The following CACNA2D1 variants were observed in gnomAD, a reference collection of about 807,000 sequenced individuals.
CACNA2D1 encodes voltage-dependent calcium channel subunit alpha-2/delta-1.
In CACNA2D1, 53 loss-of-function variants were observed where a neutral mutation model predicts 171.5. The ratio of observed to expected loss-of-function variants is 0.31; its 90% confidence interval spans 0.25 to 0.39. The LOEUF is 0.39. CACNA2D1 is among the 10% of genes least tolerant of loss of function. The pLI is 1.00. For synonymous variants in CACNA2D1, 442 were observed against 443.1 expected (o/e 1.00, Z 0.03); for missense variants, 903 against 1,299.8 (o/e 0.69, Z 4.69).
At chr7:82,346,891 A>G (rs1819324375) in intron 2 of CACNA2D1, among the ~76,000 whole-genome samples, 1 of 152,228 alleles carries the variant, frequency 6.6e-6, no homozygotes, top group Non-Finnish European at 1.5e-5. Flanking sequence ...GTTCTAAAGC[A>G]TACAAGAAGG....
chr7:82,011,323 GT>G (rs1286382805), intron 15 of CACNA2D1, among the ~76,000 whole-genome samples: 4 of 152,090 alleles, frequency 2.6e-5, no homozygotes, highest in African/African-American at 9.7e-5. Flanking sequence ...AAGTGTACAA[GT>G]TTATGTTGGG....
At chr7:82,140,565 T>G (rs956774519) in intron 4 of CACNA2D1, among the ~76,000 whole-genome samples, 1 of 152,160 alleles carries the variant, frequency 6.6e-6, no homozygotes, top group Non-Finnish European at 1.5e-5. Context: ...CTATGGAATA[T>G]GACCTTAAAA....
At chr7:82,176,885 G>T (rs986061775) in intron 3 of CACNA2D1, among the ~76,000 whole-genome samples, 9 of 151,868 alleles carry the variant, frequency 5.9e-5, no homozygotes, top group African/African-American at 1.9e-4. Flanking sequence ...GTGTTTTACA[G>T]ATGCTTTCTC....
At chr7:82,401,796 G>C (rs1296739661) in intron 1 of CACNA2D1, among the ~76,000 whole-genome samples, 1 of 152,132 alleles carries the variant, frequency 6.6e-6, no homozygotes, top group Non-Finnish European at 1.5e-5. Context: ...AACTACATCA[G>C]TGAATAAAAA....
intron 1 of CACNA2D1, among the ~76,000 whole-genome samples, chr7:82,359,269 C>T (rs1820812909): frequency 6.6e-6 from 1 of 151,916 alleles, no homozygotes; most frequent in Admixed American, 6.6e-5. Context: ...GCAAATTGTT[C>T]GCAAAATTTA....
chr7:81,980,172 C>CAAAAAAAAAAAAAAAAAA (rs35616922), intron 24 of CACNA2D1, among the ~76,000 whole-genome samples: 1 of 25,252 alleles, frequency 4.0e-5, no homozygotes, highest in Admixed American at 6.5e-4. Context: ...TAAAACCAAG[C>CAAAAAAAAAAAAAAAAAA]AAAAAAAAAA....
At chr7:81,955,980 A>ATATATATATTT (rs58075516) in intron 38 of CACNA2D1, among the ~76,000 whole-genome samples, 6 of 34,550 alleles carry the variant, frequency 1.7e-4, no homozygotes, top group African/African-American at 2.3e-4. Flanking sequence ...ATATATATAT[A>ATATATATATTT]TTTTTTTTTT....
chr7:82,440,309 A>C (rs1830399286), intron 1 of CACNA2D1, among the ~76,000 whole-genome samples: 1 of 151,864 alleles, frequency 6.6e-6, no homozygotes, highest in African/African-American at 2.4e-5. Context: ...TCTAAAATTA[A>C]GGACAAATTT....
chr7:81,959,769 T>C lies in CACNA2D1; in HGVS notation c.3027A>G (p.Lys1009=). The C allele has an allele frequency of 6.2e-7, 1 of 1,612,776 alleles. No homozygotes were observed. The highest frequency in any genetic ancestry group is 8.5e-7 in the Non-Finnish European group (1 of 1,179,196). ...GTCGTGTGTCACATGGACATGTCCC[T>C]TTGCTCTCAACCATTATGAATATTA... ...TNLIFIMVES[K]GTCPCDTRLL... is the part of the protein sequence containing the mutation. Residue 1009 remains lysine, a synonymous_variant, in exon 37 of 39, where the codon AAA becomes AAG. Coordinates refer to ENST00000356860, the MANE Select transcript of CACNA2D1 (RefSeq NM_000722.4).
chr7:82,159,198 T>A (rs1447163038), intron 4 of CACNA2D1, among the ~76,000 whole-genome samples: 1 of 151,944 alleles, frequency 6.6e-6, no homozygotes, highest in Admixed American at 6.6e-5. Flanking sequence ...TTTTTCCTAA[T>A]AACTTCTAGC....
intron 1 of CACNA2D1, among the ~76,000 whole-genome samples, chr7:82,389,728 T>C (rs1414302188): frequency 6.6e-6 from 1 of 152,162 alleles, no homozygotes; most frequent in Non-Finnish European, 1.5e-5. Flanking sequence ...CAGTTAACTG[T>C]ATTTAATTTC....
chr7:82,416,302 G>A (rs968337800), intron 1 of CACNA2D1, among the ~76,000 whole-genome samples: 1 of 152,000 alleles, frequency 6.6e-6, no homozygotes, highest in Admixed American at 6.6e-5. Context: ...ATGACAGTAT[G>A]CTCCACCAGT....
At chr7:82,101,824 A>C (rs1812710121) in intron 6 of CACNA2D1, among the ~76,000 whole-genome samples, 1 of 152,184 alleles carries the variant, frequency 6.6e-6, no homozygotes, top group Admixed American at 6.5e-5. Flanking sequence ...CTAACCTATG[A>C]TTATATAGTA....
chr7:82,364,474 T>C (rs1821454165), intron 1 of CACNA2D1, among the ~76,000 whole-genome samples: 1 of 152,184 alleles, frequency 6.6e-6, no homozygotes. Flanking sequence ...CTCCACTCTG[T>C]ATGTAGTTTC....
At chr7:82,304,677 T>C (rs1405402164) in intron 3 of CACNA2D1, among the ~76,000 whole-genome samples, 1 of 152,120 alleles carries the variant, frequency 6.6e-6, no homozygotes, top group Non-Finnish European at 1.5e-5. Context: ...GTAAAAAGTA[T>C]AATGATAGAT....
At chr7:82,097,482 G>A (rs1812031221) in intron 6 of CACNA2D1, among the ~76,000 whole-genome samples, 1 of 152,072 alleles carries the variant, frequency 6.6e-6, no homozygotes, top group Non-Finnish European at 1.5e-5. Flanking sequence ...AAATCTACAG[G>A]CCACAGTAAC....
intron 10 of CACNA2D1, among the ~76,000 whole-genome samples, chr7:82,054,220 C>G (rs1284629101): frequency 6.6e-6 from 1 of 152,100 alleles, no homozygotes; most frequent in African/African-American, 2.4e-5. Flanking sequence ...CATTTTAAAG[C>G]ATTTTATTGA....
chr7:82,054,459 T>C (rs1805569076), intron 10 of CACNA2D1, among the ~76,000 whole-genome samples: 1 of 152,192 alleles, frequency 6.6e-6, no homozygotes, highest in African/African-American at 2.4e-5. Context: ...ATGAAATCTA[T>C]ACTTATTCCC....
At chr7:82,197,224 TAA>T in intron 3 of CACNA2D1, among the ~76,000 whole-genome samples, 1 of 152,074 alleles carries the variant, frequency 6.6e-6, no homozygotes, top group Admixed American at 6.6e-5. Flanking sequence ...ATATATTATA[TAA>T]GAGTATTCAG....
Sources: gnomAD v4.1 joint callset for allele counts (sites outside exome capture counted in the v4.1 genomes callset) on GRCh38, gnomAD v4.1.1 for gene constraint, MANE v1.5 for transcripts, NCBI Gene and HGNC (gene_info 2026-07-23, HGNC 2026-07-21) for gene names.